Variants in TMEM117 observed in about 807,000 individuals in gnomAD.
TMEM117 encodes transmembrane protein 117.
A neutral mutation model predicts 52.4 loss-of-function variants in TMEM117; 27 were observed. That is an observed-to-expected ratio of 0.51 (90% CI 0.38 to 0.71). The LOEUF is 0.71. TMEM117 is among the 30% of genes least tolerant of loss of function. The probability of loss-of-function intolerance (pLI) is 0.00; values close to 1 mark genes in which losing one functional copy is unlikely to be tolerated. For synonymous variants in TMEM117, 215 were observed against 206.3 expected (o/e 1.04, Z -0.36); for missense variants, 556 against 630.5 (o/e 0.88, Z 1.26).
intron 6 of TMEM117, among the ~76,000 whole-genome samples, chr12:44,348,828 C>T (rs559136708): frequency 1.9e-4 from 29 of 151,908 alleles, no homozygotes; most frequent in Admixed American, 1.4e-3. Context: ...ACCATTAGAA[C>T]GGGCCCCTTT....
chr12:44,179,214 C>CTATATA (rs371905020), intron 4 of TMEM117, among the ~76,000 whole-genome samples: 421 of 150,308 alleles, frequency 2.8e-3, no homozygotes, highest in African/African-American at 1.0e-2. Context: ...AACAAAGCTG[C>CTATATA]TATATATATA....
chr12:44,292,729 G>A (rs1950720152), intron 5 of TMEM117, among the ~76,000 whole-genome samples: 1 of 152,014 alleles, frequency 6.6e-6, no homozygotes, highest in Admixed American at 6.6e-5. Flanking sequence ...TGGTTGTTCA[G>A]GTAGCATGTT....
At chr12:44,107,956 T>G (rs1443431660) in intron 3 of TMEM117, among the ~76,000 whole-genome samples, 1 of 152,176 alleles carries the variant, frequency 6.6e-6, no homozygotes, top group Non-Finnish European at 1.5e-5. Context: ...GTATCTGACC[T>G]GGCTTCTACA....
chr12:44,081,378 C>G, intron 3 of TMEM117, among the ~76,000 whole-genome samples: 1 of 152,090 alleles, frequency 6.6e-6, no homozygotes, highest in Non-Finnish European at 1.5e-5. Context: ...AAATGTGATC[C>G]TAATTAGATG....
intron 5 of TMEM117, among the ~76,000 whole-genome samples, chr12:44,275,445 G>C (rs190200658): frequency 6.6e-6 from 1 of 151,912 alleles, no homozygotes; most frequent in East Asian, 1.9e-4. Context: ...CCACTACTAG[G>C]TATATATCCA....
chr12:44,042,832 G>C (rs1314386415), intron 3 of TMEM117, among the ~76,000 whole-genome samples: 1 of 150,152 alleles, frequency 6.7e-6, no homozygotes, highest in Non-Finnish European at 1.5e-5. Context: ...CCCCTCTAGG[G>C]AATCCTGAGT....
intron 3 of TMEM117, among the ~76,000 whole-genome samples, chr12:44,137,801 C>T (rs888836987): frequency 6.6e-6 from 1 of 152,150 alleles, no homozygotes; most frequent in Non-Finnish European, 1.5e-5. Context: ...CCTCCCACAA[C>T]ACGTGGGAAT....
chr12:43,871,123 G>C (rs893583901), intron 2 of TMEM117, among the ~76,000 whole-genome samples: 6 of 149,440 alleles, frequency 4.0e-5, no homozygotes, highest in Non-Finnish European at 8.9e-5. Context: ...TTGTTTTTGA[G>C]ATGGAGTCTT....
intron 3 of TMEM117, chr12:44,009,081 T>C: frequency 2.7e-6 from 1 of 365,158 alleles, no homozygotes; most frequent in Non-Finnish European, 5.3e-6. Context: ...TGTGTGGTGT[T>C]TCCCATGAAG....
At chr12:43,956,191 A>G (rs1384251218) in intron 3 of TMEM117, among the ~76,000 whole-genome samples, 1 of 152,222 alleles carries the variant, frequency 6.6e-6, no homozygotes, top group African/African-American at 2.4e-5. Context: ...TAAAAACCCT[A>G]GAAGACAATC....
intron 2 of TMEM117, among the ~76,000 whole-genome samples, chr12:43,938,973 C>A (rs1944999552): frequency 6.7e-6 from 1 of 148,982 alleles, no homozygotes; most frequent in Non-Finnish European, 1.5e-5. Context: ...GCACTCCAGT[C>A]AGGGTGACAG....
chr12:44,279,415 C>A (rs1365660311), intron 5 of TMEM117, among the ~76,000 whole-genome samples: 1 of 152,078 alleles, frequency 6.6e-6, no homozygotes, highest in Non-Finnish European at 1.5e-5. Context: ...CCAAGAGAGA[C>A]CCTGGGAGCA....
At chr12:43,865,325 A>G (rs1943571963) in intron 2 of TMEM117, among the ~76,000 whole-genome samples, 1 of 151,954 alleles carries the variant, frequency 6.6e-6, no homozygotes, top group African/African-American at 2.4e-5. Flanking sequence ...GGGCATTGAA[A>G]CCCCAGAAGG....
chr12:44,301,724 TC>T (rs1950842376), intron 6 of TMEM117, among the ~76,000 whole-genome samples: 1 of 152,158 alleles, frequency 6.6e-6, no homozygotes, highest in Admixed American at 6.5e-5. Flanking sequence ...TCTTTTTTTT[TC>T]TCTTATTGTA....
At chr12:43,992,446 T>C (rs2137753377) in intron 3 of TMEM117, among the ~76,000 whole-genome samples, 1 of 152,072 alleles carries the variant, frequency 6.6e-6, no homozygotes, top group South Asian at 2.1e-4. Context: ...TTCTTTTTTG[T>C]TTTTTAAACT....
chr12:44,199,267 C>A (rs1444444650), intron 4 of TMEM117, among the ~76,000 whole-genome samples: 1 of 152,168 alleles, frequency 6.6e-6, no homozygotes, highest in Non-Finnish European at 1.5e-5. Context: ...AACATTAGAT[C>A]TGCTTTTACA....
chr12:43,889,109 T>G, intron 2 of TMEM117, among the ~76,000 whole-genome samples: 2 of 148,042 alleles, frequency 1.4e-5, no homozygotes, highest in Non-Finnish European at 1.5e-5. Context: ...TGAGATGGAG[T>G]TTTGCTCTTG....
chr12:44,149,685 A>G (rs992182709), intron 4 of TMEM117, among the ~76,000 whole-genome samples: 3 of 152,220 alleles, frequency 2.0e-5, no homozygotes, highest in Non-Finnish European at 2.9e-5. Flanking sequence ...AAGTGTGTGA[A>G]TGAACAGTAA....
chr12:44,025,293 G>A (rs1483754317), intron 3 of TMEM117, among the ~76,000 whole-genome samples: 1 of 152,190 alleles, frequency 6.6e-6, no homozygotes, highest in Non-Finnish European at 1.5e-5. Flanking sequence ...CGCAGCGGGT[G>A]TGCAGCTGAT....
Sources: allele counts gnomAD v4.1 joint callset (sites outside exome capture counted in the v4.1 genomes callset), GRCh38; gene constraint gnomAD v4.1.1; transcripts MANE v1.5; gene names NCBI Gene and HGNC (gene_info 2026-07-23, HGNC 2026-07-21).